Variants in NCKAP5 observed in about 807,000 individuals in gnomAD.
NCKAP5 encodes the protein nck-associated protein 5.
In NCKAP5, 92 loss-of-function variants were observed where a neutral mutation model predicts 167.0. That is an observed-to-expected ratio of 0.55 (90% CI 0.47 to 0.66). NCKAP5 has a LOEUF of 0.66. Among genes scored for constraint, NCKAP5 ranks in the 30% least tolerant of loss-of-function variants. The pLI is 0.00. For missense variants in NCKAP5, 2,378 were observed against 2,315.0 expected, an observed-to-expected ratio of 1.03 and a Z score of -0.56; for synonymous variants, 891 against 877.4, an observed-to-expected ratio of 1.02 and a Z score of -0.27.
Position 133,109,069 on chromosome 2 carries a change from G to C in NCKAP5, c.341+20909C>G, listed in dbSNP as rs191517248. The stretch of plus-strand genomic sequence containing the variant: ...TAACCATTCCCTCTCGGGCTAATTT[G>C]TAAAAGAAGCAATTCCACCAAGCCC... On this transcript the variant is annotated intron_variant, in intron 6 of 19. Coordinates refer to ENST00000409261, the MANE Select transcript of NCKAP5 (RefSeq NM_207363.3). Among the ~76,000 whole-genome samples, 241 of 152,204 alleles carry C rather than the reference G, an allele frequency of 1.6e-3. 1 individual carries two copies. The highest frequency in any genetic ancestry group is 6.8e-3 in the Middle Eastern group (2 of 294).
intron 18 of NCKAP5, among the ~76,000 whole-genome samples, chr2:132,726,138 T>C (rs1690438949): frequency 6.6e-6 from 1 of 152,234 alleles, no homozygotes; most frequent in Non-Finnish European, 1.5e-5. Flanking sequence ...CCTAATGGCT[T>C]ATTTATTTAA....
intron 4 of NCKAP5, among the ~76,000 whole-genome samples, chr2:133,285,393 G>A (rs2090071227): frequency 6.6e-6 from 1 of 152,010 alleles, no homozygotes; most frequent in Non-Finnish European, 1.5e-5. Flanking sequence ...TTATGATGAG[G>A]AAGATAACAG....
intron 8 of NCKAP5, among the ~76,000 whole-genome samples, chr2:132,938,553 ATT>A (rs1431555994): frequency 1.3e-5 from 2 of 152,004 alleles, no homozygotes; most frequent in Non-Finnish European, 2.9e-5. Flanking sequence ...AGATTCCTGC[ATT>A]TTTGAAGACT....
intron 3 of NCKAP5, among the ~76,000 whole-genome samples, chr2:133,361,763 C>T (rs1406066141): frequency 1.3e-5 from 2 of 152,156 alleles, no homozygotes; most frequent in African/African-American, 4.8e-5. Flanking sequence ...TCAGAAGAAC[C>T]TGCTCCTAGT....
chr2:133,133,966 A>T (rs2082697888), intron 5 of NCKAP5, among the ~76,000 whole-genome samples: 1 of 152,212 alleles, frequency 6.6e-6, no homozygotes, highest in South Asian at 2.1e-4. Flanking sequence ...CATTTCTTTT[A>T]AAAGTGCTAA....
At chr2:133,406,066 C>A (rs532822708) in intron 3 of NCKAP5, among the ~76,000 whole-genome samples, 1 of 152,350 alleles carries the variant, frequency 6.6e-6, no homozygotes, top group South Asian at 2.1e-4. Context: ...AGCCCATCAT[C>A]TTTTCCCATC....
chr2:132,995,775 G>A (rs1022523891), intron 6 of NCKAP5, among the ~76,000 whole-genome samples: 2 of 151,826 alleles, frequency 1.3e-5, no homozygotes, highest in African/African-American at 4.8e-5. Context: ...ATGAGTTCAA[G>A]AGCAGCCTGG....
intron 7 of NCKAP5, among the ~76,000 whole-genome samples, chr2:132,965,858 A>T (rs2076644950): frequency 1.3e-5 from 2 of 151,778 alleles, no homozygotes; most frequent in Non-Finnish European, 2.9e-5. Flanking sequence ...ACATGGTATA[A>T]TCTTACGAGA....
At chr2:133,025,584 T>C (rs1559063182) in intron 6 of NCKAP5, among the ~76,000 whole-genome samples, 2 of 152,138 alleles carry the variant, frequency 1.3e-5, no homozygotes, top group Non-Finnish European at 2.9e-5. Context: ...TGACACTTTG[T>C]TAATTATGGC....
intron 4 of NCKAP5, among the ~76,000 whole-genome samples, chr2:133,254,303 G>T (rs1311938897): frequency 6.6e-6 from 1 of 152,104 alleles, no homozygotes; most frequent in African/African-American, 2.4e-5. Flanking sequence ...CATGTGGAGA[G>T]ATGATATGGA....
chr2:132,853,122 A>C (rs1177037924), intron 11 of NCKAP5, among the ~76,000 whole-genome samples: 3 of 152,186 alleles, frequency 2.0e-5, no homozygotes. Flanking sequence ...TTTAAATTAA[A>C]CTGCCACCAC....
chr2:133,103,363 T>C (rs1388295308), intron 6 of NCKAP5, among the ~76,000 whole-genome samples: 7 of 152,196 alleles, frequency 4.6e-5, no homozygotes, highest in South Asian at 4.1e-4. Context: ...TTCAGACAGG[T>C]TATCAATATG....
In NCKAP5 at chr2:133,499,224, C is replaced by T. The variant is rs928324372; in HGVS notation, c.69+18234G>A. Among the ~76,000 whole-genome samples, 111 of 151,978 alleles carry T rather than the reference C, an allele frequency of 7.3e-4. 2 individuals are homozygous for T. The highest frequency in any genetic ancestry group is 2.4e-3 in the African/African-American group (100 of 41,350). On this transcript the variant is annotated intron_variant, in intron 3 of 19. Transcript: ENST00000409261. ...TATGAGCTGTTTTTTGGTTTGAGAC[C>T]CAGTACCAAATTGGTAAAATGAGCC...
intron 6 of NCKAP5, among the ~76,000 whole-genome samples, chr2:133,030,428 G>A (rs1228724134): frequency 6.6e-6 from 1 of 152,132 alleles, no homozygotes; most frequent in Non-Finnish European, 1.5e-5. Context: ...GTGTCGAAAG[G>A]TCTCTCAGTT....
chr2:132,939,476 C>A (rs1697118049), intron 8 of NCKAP5, among the ~76,000 whole-genome samples: 1 of 152,210 alleles, frequency 6.6e-6, no homozygotes, highest in East Asian at 1.9e-4. Flanking sequence ...TTGAGACTCA[C>A]CACCAACACT....
intron 4 of NCKAP5, among the ~76,000 whole-genome samples, chr2:133,268,116 G>A (rs993367572): frequency 6.6e-6 from 1 of 152,166 alleles, no homozygotes; most frequent in African/African-American, 2.4e-5. Flanking sequence ...ATAGGTATAA[G>A]AGCTAAGCAA....
chr2:132,743,706 T>C (rs949829351), intron 16 of NCKAP5, among the ~76,000 whole-genome samples: 1 of 151,564 alleles, frequency 6.6e-6, no homozygotes. Flanking sequence ...AAAATTAAAA[T>C]AGTCTAAACA....
At chr2:133,531,573 A>G (rs1685368014) in intron 2 of NCKAP5, among the ~76,000 whole-genome samples, 1 of 152,110 alleles carries the variant, frequency 6.6e-6, no homozygotes, top group Non-Finnish European at 1.5e-5. Flanking sequence ...TCCGATACTT[A>G]CAAGTCTTGT....
chr2:132,784,707 G>C lies in NCKAP5; in HGVS notation c.2104C>G (p.Pro702Ala). 6.2e-7 allele frequency: 1 copy of C among 1,613,994 alleles called. No homozygotes were observed. Among genetic ancestry groups the C allele is most frequent in the South Asian group, 1.1e-5 (1 of 91,078 alleles). ...TRNEISINST[P>A]AGPKAEHTEL... is the part of the protein sequence containing the mutation. Reference sequence around the variant, plus strand: ...GTATGTTCTGCCTTGGGTCCAGCAGGAGTTGAATTGATGGAAATCTCATTT... The same window carrying C: ...GTATGTTCTGCCTTGGGTCCAGCAGCAGTTGAATTGATGGAAATCTCATTT... The change falls in exon 14 of 20, where the codon CCT becomes GCT. Residue 702 changes from proline (P) to alanine (A), a missense_variant. Physicochemically the swap from Pro to Ala is conservative, Grantham distance 27 (BLOSUM62 -1). This residue lies in a region of NCKAP5 where 1,049 missense variants were observed against 1,023.4 expected (regional missense o/e 1.02). Coordinates refer to ENST00000409261, the MANE Select transcript of NCKAP5 (RefSeq NM_207363.3).
Sources: gnomAD v4.1 joint callset for allele counts (sites outside exome capture counted in the v4.1 genomes callset) on GRCh38, gnomAD v4.1.1 for gene constraint, gnomAD v4.1.1 regional missense constraint, MANE v1.5 for transcripts, NCBI Gene and HGNC (gene_info 2026-07-23, HGNC 2026-07-21) for gene names.